The following PCDHA10 variants were observed in gnomAD, a reference collection of about 807,000 sequenced individuals.
The protein encoded by PCDHA10 is protocadherin alpha-10.
PCDHA10 carries 45 observed loss-of-function variants against 61.2 expected under a neutral mutation model. The observed-to-expected ratio is 0.74, with a 90% CI of 0.58 to 0.94. The LOEUF (loss-of-function observed/expected upper bound fraction) is 0.94. Ranked by LOEUF, PCDHA10 falls within the 40% of genes least tolerant of loss-of-function variation. The probability of loss-of-function intolerance (pLI) is 0.00; values close to 1 mark genes in which losing one functional copy is unlikely to be tolerated. For synonymous variants in PCDHA10, 602 were observed against 548.8 expected, an observed-to-expected ratio of 1.10 and a Z score of -1.35; for missense variants, 1,278 against 1,236.2, an observed-to-expected ratio of 1.03 and a Z score of -0.51.
chr5:140,875,484 C>T (rs1442383636), intron 1 of PCDHA10: 2 of 1,611,246 alleles, frequency 1.2e-6, no homozygotes, highest in Non-Finnish European at 1.7e-6. Flanking sequence ...TGGTGATTAT[C>T]GGACCAAGAG....
chr5:141,009,760 A>T lies in PCDHA10; in HGVS notation c.2670A>T (p.Gly890=), dbSNP rs782167920. The change falls in exon 4 of 4, where the codon GGA becomes GGT. Residue 890 remains glycine, a synonymous_variant. Transcript: ENST00000307360. ...TGCCCGACAAATTCATTATCCCAGG[A>T]TCTCCTGCAATCATCTCCATCCGGC... ...GELPDKFIIP[G]SPAIISIRQE... is the part of the protein sequence containing the mutation. 1.9e-6 allele frequency: 3 copies of T among 1,614,130 alleles called. No individual in the cohort carries two copies. Among genetic ancestry groups the T allele is most frequent in the Admixed American group, 3.3e-5 (2 of 60,020 alleles).
rs533097473 is a variant in PCDHA10 at position 140,902,214 on chromosome 5, T to C, written c.2388+43778T>C. ...CTCTCTCTCTCTTTCTTTTTTTTTT[T>C]TTTTTTTGAGATGAGGACTTGCTTT... On this transcript the variant is annotated intron_variant, in intron 1 of 3. Coordinates refer to ENST00000307360, the MANE Select transcript of PCDHA10 (RefSeq NM_018901.4). Among the ~76,000 whole-genome samples the C allele has an allele frequency of 1.3e-3, 198 of 150,584 alleles. 6 individuals are homozygous for C. The South Asian group carries it at 0.04, about 30-fold the overall frequency.
At position 140,941,253 on chromosome 5, in the gene PCDHA10, TTC is replaced by T. The variant is rs371538795; in HGVS notation, c.2389-37692_2389-37691del. 4.9e-3 allele frequency among the ~76,000 whole-genome samples: 316 copies of T among 64,734 alleles called. 2 individuals carry two copies. The highest frequency in any genetic ancestry group is 6.9e-3 in the Admixed American group (39 of 5,692). 42.5% of individuals were successfully genotyped at this position (64,734 alleles called of 152,430 possible). On this transcript the variant is annotated intron_variant, in intron 1 of 3. Coordinates refer to ENST00000307360, the MANE Select transcript of PCDHA10 (RefSeq NM_018901.4). ...TTTCTTTCTTTCTTTCTTTCTTTCT[TTC>T]TCTTTCTTTCTTTCTTTCCTTCCTT...
chr5:140,882,771 T>C (rs148644909), intron 1 of PCDHA10: 19 of 1,614,110 alleles, frequency 1.2e-5, no homozygotes, highest in Non-Finnish European at 1.6e-5. Context: ...AACTCGGCAT[T>C]GACCTACCGA....
At chr5:140,875,608 G>C in intron 1 of PCDHA10, 1 of 1,613,844 alleles carries the variant, frequency 6.2e-7, no homozygotes, top group Non-Finnish European at 8.5e-7. Context: ...CACCTTCGTG[G>C]GCCGCATCGC....
At chr5:140,919,841 GA>G (rs1318412572) in intron 1 of PCDHA10, among the ~76,000 whole-genome samples, 1 of 152,146 alleles carries the variant, frequency 6.6e-6, no homozygotes, top group Non-Finnish European at 1.5e-5. Context: ...GTAACCTTTG[GA>G]ACCTGTGACC....
intron 1 of PCDHA10, among the ~76,000 whole-genome samples, chr5:140,941,231 C>CTTTCTTTCTTTCTTTCTT (rs2092927472): frequency 2.2e-5 from 3 of 136,876 alleles, no homozygotes; most frequent in African/African-American, 8.3e-5. Context: ...TTCTTTCTTT[C>CTTTCTTTCTTTCTTTCTT]TTTCTTTCTT....
Position 141,011,113 on chromosome 5 carries a change from GAAAC to G in PCDHA10, c.*1179_*1182del, listed in dbSNP as rs1378492452. 6.5e-6 allele frequency: 1 copy of G among 153,504 alleles called. No homozygotes were observed. The highest frequency in any genetic ancestry group is 2.4e-5 in the African/African-American group (1 of 41,342). 9.5% of individuals were successfully genotyped at this position (153,504 alleles called of 1,614,324 possible). A position where few individuals can be genotyped will look rare whatever the true frequency, so the allele number is the denominator to read the frequency against. ...TTCTCTCTCTCTCTCTCTTTTCTAA[GAAAC>G]AATTATGTGCACTTTGATACACAAC... On this transcript the variant is annotated 3_prime_UTR_variant, in exon 4 of 4. Coordinates refer to ENST00000307360, the MANE Select transcript of PCDHA10 (RefSeq NM_018901.4).
At chr5:140,958,746 G>A (rs946339571) in intron 1 of PCDHA10, among the ~76,000 whole-genome samples, 3 of 152,184 alleles carry the variant, frequency 2.0e-5, no homozygotes, top group African/African-American at 7.2e-5. Context: ...AGAGAGAAAG[G>A]AGATTTTTAC....
rs536777034 is a variant in PCDHA10 at position 140,985,803 on chromosome 5, G to A, written c.2536+3240G>A. Among the ~76,000 whole-genome samples the A allele has an allele frequency of 1.3e-4, 18 of 139,858 alleles. No individual in the cohort carries two copies. In the East Asian group the frequency reaches 1.8e-3, roughly 14 times the overall value. The allele number at this position is 139,858 out of a possible 152,430, so 91.8% of individuals were successfully genotyped here. A position where few individuals can be genotyped will look rare whatever the true frequency, so the allele number is the denominator to read the frequency against. Reference sequence around the variant, plus strand: ...CGCCCAGGCTGGAGTGCAGTGGCACGATCTCAGCTCACAACAAGCTCTGCC... The same window carrying A: ...CGCCCAGGCTGGAGTGCAGTGGCACAATCTCAGCTCACAACAAGCTCTGCC... On this transcript the variant is annotated intron_variant, in intron 3 of 3. Transcript: ENST00000307360.
chr5:140,993,363 C>T (rs925225156), intron 3 of PCDHA10, among the ~76,000 whole-genome samples: 1 of 151,918 alleles, frequency 6.6e-6, no homozygotes, highest in Non-Finnish European at 1.5e-5. Context: ...CTCACAAAAA[C>T]TACCTCCCAG....
intron 1 of PCDHA10, chr5:140,882,765 CGG>C: frequency 6.2e-7 from 1 of 1,614,222 alleles, no homozygotes; most frequent in Non-Finnish European, 8.5e-7. Flanking sequence ...GGAGTAAACT[CGG>C]CATTGACCTA....
chr5:140,983,221 A>G (rs1178098444), intron 3 of PCDHA10, among the ~76,000 whole-genome samples: 1 of 152,196 alleles, frequency 6.6e-6, no homozygotes, highest in Non-Finnish European at 1.5e-5. Context: ...TCCTAATCCA[A>G]ACTTTCAGGA....
intron 1 of PCDHA10, chr5:140,930,027 T>A (rs1554207548): frequency 6.6e-6 from 1 of 152,190 alleles, no homozygotes; most frequent in Non-Finnish European, 1.5e-5. Context: ...CATAGCAGTG[T>A]TTTGTAACTG....
intron 1 of PCDHA10, among the ~76,000 whole-genome samples, chr5:140,961,885 C>G (rs2095640261): frequency 6.7e-6 from 1 of 149,548 alleles, no homozygotes. Context: ...TTACTTACAT[C>G]AGTTTTTTTT....
Position 140,927,906 on chromosome 5 carries a change from C to T in PCDHA10, c.2389-51043C>T, listed in dbSNP as rs116016831. On this transcript the variant is annotated intron_variant, in intron 1 of 3. Coordinates refer to ENST00000307360, the MANE Select transcript of PCDHA10 (RefSeq NM_018901.4). ...TGACTGACGTGAACGATCATGCCCC[C>T]GAACTGGACTTCCTGACTCTTTCGA... is the stretch of plus-strand genomic sequence containing the variant. 5,195 of 1,614,178 alleles carry T rather than the reference C, an allele frequency of 3.2e-3. 26 individuals are homozygous for T. The highest frequency in any genetic ancestry group is 0.019 in the African/African-American group (1,450 of 75,038).
At chr5:140,933,458 C>G (rs1040429377) in intron 1 of PCDHA10, among the ~76,000 whole-genome samples, 2 of 151,968 alleles carry the variant, frequency 1.3e-5, no homozygotes, top group Non-Finnish European at 2.9e-5. Flanking sequence ...TCAAAATATA[C>G]TCTGAATTCA....
chr5:141,001,360 A>G (rs1432580617), intron 3 of PCDHA10, among the ~76,000 whole-genome samples: 2 of 152,212 alleles, frequency 1.3e-5, no homozygotes, highest in Non-Finnish European at 2.9e-5. Flanking sequence ...GTTTAAGCCT[A>G]CTATTCTGAT....
At chr5:140,920,851 A>C (rs1370021063) in intron 1 of PCDHA10, among the ~76,000 whole-genome samples, 1 of 152,008 alleles carries the variant, frequency 6.6e-6, no homozygotes, top group Non-Finnish European at 1.5e-5. Flanking sequence ...TAAAAAAAAA[A>C]AAAAAAACAA....
Sources: allele counts gnomAD v4.1 joint callset (sites outside exome capture counted in the v4.1 genomes callset), GRCh38; gene constraint gnomAD v4.1.1; transcripts MANE v1.5; gene names NCBI Gene and HGNC (gene_info 2026-07-23, HGNC 2026-07-21).